Variants in BTBD9 observed in about 807,000 individuals in gnomAD.
BTBD9 encodes BTB domain containing 9.
Under a neutral mutation model 64.3 loss-of-function variants are expected in BTBD9, and 49 were observed. The observed-to-expected ratio is 0.76, with a 90% CI of 0.61 to 0.97. The LOEUF is 0.97. BTBD9 is among the 50% of genes least tolerant of loss of function. The pLI is 0.00. For synonymous variants in BTBD9, 260 were observed against 274.7 expected (o/e 0.95, Z 0.53); for missense variants, 598 against 762.1 (o/e 0.78, Z 2.53).
intron 6 of BTBD9, among the ~76,000 whole-genome samples, chr6:38,574,502 C>T (rs952715596): frequency 1.3e-5 from 2 of 152,192 alleles, no homozygotes; most frequent in Admixed American, 6.5e-5. Flanking sequence ...TGAGAGCTAC[C>T]GTGACCAACG....
At chr6:38,462,570 T>G (rs1323466766) in intron 6 of BTBD9, among the ~76,000 whole-genome samples, 1 of 152,184 alleles carries the variant, frequency 6.6e-6, no homozygotes, top group Admixed American at 6.5e-5. Context: ...CAGGTAAACG[T>G]TAAGTCACTA....
intron 7 of BTBD9, among the ~76,000 whole-genome samples, chr6:38,308,511 G>A (rs1409080245): frequency 6.6e-6 from 1 of 152,230 alleles, no homozygotes; most frequent in Non-Finnish European, 1.5e-5. Context: ...TCTGTGAGTA[G>A]TATCATAAGT....
Position 38,487,960 on chromosome 6 carries a change from T to C in BTBD9, c.1154+89640A>G, listed in dbSNP as rs984718387. Among the ~76,000 whole-genome samples, 5 of 152,220 alleles carry C rather than the reference T, an allele frequency of 3.3e-5. No homozygotes were observed. In the East Asian group the frequency reaches 7.7e-4, roughly 23 times the overall value. On this transcript the variant is annotated intron_variant, in intron 6 of 10. Transcript: ENST00000481247. Reference sequence around the variant, plus strand: ...TGACCTCTGCTCTAGATCTTAAAAATGGGTGCACAAAGTATGAAATAGGTG... The same window carrying C: ...TGACCTCTGCTCTAGATCTTAAAAACGGGTGCACAAAGTATGAAATAGGTG...
intron 6 of BTBD9, among the ~76,000 whole-genome samples, chr6:38,517,327 G>GTAA (rs1773076653): frequency 6.6e-6 from 1 of 152,204 alleles, no homozygotes; most frequent in Admixed American, 6.5e-5. Flanking sequence ...AAATACCAAA[G>GTAA]TAATGCTACA....
intron 6 of BTBD9, among the ~76,000 whole-genome samples, chr6:38,384,380 T>C (rs1250228830): frequency 6.6e-6 from 1 of 152,192 alleles, no homozygotes; most frequent in Non-Finnish European, 1.5e-5. Context: ...AATAAAATGG[T>C]ATTAAAAGAG....
chr6:38,536,173 T>C (rs1055243765), intron 6 of BTBD9, among the ~76,000 whole-genome samples: 1 of 151,720 alleles, frequency 6.6e-6, no homozygotes, highest in Non-Finnish European at 1.5e-5. Context: ...ATCCACTGAA[T>C]AGACATGTCT....
intron 9 of BTBD9, among the ~76,000 whole-genome samples, chr6:38,241,867 ATTTT>A (rs1270403673): frequency 6.6e-6 from 1 of 152,172 alleles, no homozygotes; most frequent in Admixed American, 6.5e-5. Context: ...CAGTGTAATG[ATTTT>A]TTTTAAGTAG....
chr6:38,259,442 G>C (rs769774999), intron 8 of BTBD9, among the ~76,000 whole-genome samples: 5 of 152,104 alleles, frequency 3.3e-5, no homozygotes, highest in Admixed American at 1.3e-4. Flanking sequence ...TCTCTCTGTT[G>C]CCCAGGCTGG....
chr6:38,596,616 C>G (rs1051514635), intron 2 of BTBD9, among the ~76,000 whole-genome samples: 2 of 151,710 alleles, frequency 1.3e-5, no homozygotes, highest in Admixed American at 6.6e-5. Flanking sequence ...CTGGCTAACA[C>G]GGTGAAACCC....
intron 4 of BTBD9, among the ~76,000 whole-genome samples, chr6:38,590,349 G>C (rs1776741193): frequency 6.6e-6 from 1 of 152,128 alleles, no homozygotes; most frequent in Non-Finnish European, 1.5e-5. Context: ...AATGCTAGGA[G>C]ATATAAAAGG....
At chr6:38,240,803 T>TAA (rs1763966970) in intron 9 of BTBD9, among the ~76,000 whole-genome samples, 2 of 152,218 alleles carry the variant, frequency 1.3e-5, no homozygotes, top group Non-Finnish European at 2.9e-5. Context: ...TGATTACTTC[T>TAA]TAATGTTATT....
intron 6 of BTBD9, chr6:38,482,520 T>C (rs1263979742): frequency 1.3e-5 from 2 of 152,096 alleles, no homozygotes; most frequent in African/African-American, 4.8e-5. Flanking sequence ...TATAAACACT[T>C]AATTTTATTC....
At chr6:38,339,839 T>C (rs6936449) in intron 7 of BTBD9, among the ~76,000 whole-genome samples, 3,569 of 152,312 alleles carry the variant, frequency 0.023, 135 homozygotes, top group African/African-American at 0.082. Flanking sequence ...CCTAATTGTA[T>C]ACTGAAATAG....
chr6:38,257,338 C>G (rs1764628969), intron 8 of BTBD9, among the ~76,000 whole-genome samples: 1 of 151,794 alleles, frequency 6.6e-6, no homozygotes, highest in African/African-American at 2.4e-5. Context: ...CAAGTAGTTA[C>G]AGGCATGCAC....
intron 7 of BTBD9, among the ~76,000 whole-genome samples, chr6:38,326,296 C>T (rs1034525064): frequency 3.9e-5 from 6 of 152,066 alleles, no homozygotes; most frequent in Non-Finnish European, 5.9e-5. Flanking sequence ...ATACAGAAAG[C>T]TAGATGAGAA....
At chr6:38,441,975 T>G (rs138630978) in intron 6 of BTBD9, among the ~76,000 whole-genome samples, 1 of 152,184 alleles carries the variant, frequency 6.6e-6, no homozygotes, top group Non-Finnish European at 1.5e-5. Flanking sequence ...CTCTGATGCA[T>G]GAAGCCTTCC....
At chr6:38,232,655 C>A (rs1008923406) in intron 9 of BTBD9, among the ~76,000 whole-genome samples, 1 of 151,148 alleles carries the variant, frequency 6.6e-6, no homozygotes, top group African/African-American at 2.4e-5. Context: ...TTCACATAAA[C>A]CTTTCGCAAC....
chr6:38,538,156 T>C (rs1703875619), intron 6 of BTBD9, among the ~76,000 whole-genome samples: 1 of 152,192 alleles, frequency 6.6e-6, no homozygotes, highest in Non-Finnish European at 1.5e-5. Context: ...TCTTTGCAAA[T>C]TTATAGTACT....
chr6:38,624,224 C>G (rs1562436435), intron 1 of BTBD9, among the ~76,000 whole-genome samples: 1 of 152,202 alleles, frequency 6.6e-6, no homozygotes, highest in Non-Finnish European at 1.5e-5. Context: ...AAAGTGCACT[C>G]TGATAGGACA....
Sources: allele counts gnomAD v4.1 joint callset (sites outside exome capture counted in the v4.1 genomes callset), GRCh38; gene constraint gnomAD v4.1.1; transcripts MANE v1.5; gene names NCBI Gene and HGNC (gene_info 2026-07-23, HGNC 2026-07-21).